Variants in RHBDL3 observed in about 807,000 individuals in gnomAD.
The protein encoded by RHBDL3 is rhomboid-related protein 3.
In RHBDL3, 28 loss-of-function variants were observed where a neutral mutation model predicts 48.2. The ratio of observed to expected loss-of-function variants is 0.58; its 90% CI spans 0.43 to 0.80. RHBDL3 has a LOEUF of 0.80. Ranked by LOEUF, RHBDL3 falls within the 30% of genes least tolerant of loss-of-function variation. The pLI, the probability that RHBDL3 is intolerant of heterozygous loss-of-function variation, is 0.00. For synonymous variants in RHBDL3, 208 were observed against 232.3 expected (o/e 0.90, Z 0.95); for missense variants, 464 against 542.7 (o/e 0.85, Z 1.44).
chr17:32,312,837 TCTCA>T (rs1034929805), intron 7 of RHBDL3, among the ~76,000 whole-genome samples: 1 of 151,618 alleles, frequency 6.6e-6, no homozygotes, highest in Non-Finnish European at 1.5e-5. Context: ...TGAGAAAGGG[TCTCA>T]CTCTGTTGTC....
chr17:32,308,307 G>C (rs1027814912), intron 7 of RHBDL3, among the ~76,000 whole-genome samples: 1 of 152,164 alleles, frequency 6.6e-6, no homozygotes, highest in African/African-American at 2.4e-5. Flanking sequence ...TGTGGGTTGG[G>C]CGCGCTGGCT....
chr17:32,297,358 A>C (rs1478765632), intron 5 of RHBDL3, among the ~76,000 whole-genome samples: 1 of 152,156 alleles, frequency 6.6e-6, no homozygotes, highest in East Asian at 1.9e-4. Flanking sequence ...ACTACTTGGG[A>C]GGCTGAGACA....
chr17:32,305,661 C>G (rs2040693722), intron 7 of RHBDL3, among the ~76,000 whole-genome samples: 1 of 152,142 alleles, frequency 6.6e-6, no homozygotes, highest in Admixed American at 6.5e-5. Context: ...AGGACCATGC[C>G]CATCTGCCCC....
rs141988744 is a variant in RHBDL3, at chr17:32,322,423, T to C, written c.*1194T>C. The C allele has an allele frequency of 0.01, 1,576 of 152,418 alleles. 27 individuals are homozygous for C. Among genetic ancestry groups the C allele is most frequent in the South Asian group, 0.071 (343 of 4,818 alleles). 9.4% of individuals were successfully genotyped at this position (152,418 alleles called of 1,614,324 possible). ...TCCCTGGATGCTGAGGTTTGCCAGG[T>C]TCAGCTCTTGTTTCCGTCTGAGATG... On this transcript the variant is annotated 3_prime_UTR_variant, in exon 9 of 9. Coordinates refer to ENST00000269051, the MANE Select transcript of RHBDL3 (RefSeq NM_138328.3).
chr17:32,282,621 A>G (rs1419964313), intron 2 of RHBDL3, among the ~76,000 whole-genome samples: 2 of 151,972 alleles, frequency 1.3e-5, no homozygotes, highest in Non-Finnish European at 2.9e-5. Flanking sequence ...AATTCTGTGG[A>G]GATTTTTTTT....
intron 6 of RHBDL3, 120 bp from the exon 7 acceptor site, chr17:32,305,221 A>C: frequency 2.6e-5 from 18 of 701,550 alleles, no homozygotes; most frequent in Non-Finnish European, 3.7e-5. Context: ...CAAAGGAGGA[A>C]GAGGTGGAGC....
At chr17:32,304,369 A>G (rs1339109237) in intron 6 of RHBDL3, among the ~76,000 whole-genome samples, 1 of 152,148 alleles carries the variant, frequency 6.6e-6, no homozygotes, top group Non-Finnish European at 1.5e-5. Flanking sequence ...AAGAAGGTGG[A>G]GGTTAACCTC....
At chr17:32,286,604 T>C (rs997592801) in intron 3 of RHBDL3, among the ~76,000 whole-genome samples, 1 of 152,242 alleles carries the variant, frequency 6.6e-6, no homozygotes, top group African/African-American at 2.4e-5. Context: ...ATTTTTGATG[T>C]CTCTTAATGT....
intron 3 of RHBDL3, among the ~76,000 whole-genome samples, chr17:32,287,069 G>A (rs971055562): frequency 4.6e-5 from 7 of 152,126 alleles, no homozygotes; most frequent in South Asian, 2.1e-4. Flanking sequence ...GGAATAATAC[G>A]GGGTGCCAAA....
intron 1 of RHBDL3, 116 bp from the exon 2 acceptor site, chr17:32,267,786 G>C: frequency 6.3e-7 from 1 of 1,576,480 alleles, no homozygotes; most frequent in Non-Finnish European, 8.6e-7. Flanking sequence ...ATGACTCCTG[G>C]GCAGCCGCTG....
chr17:32,265,981 C>T lies in RHBDL3; in HGVS notation c.-209C>T, dbSNP rs1223973251. Among the ~76,000 whole-genome samples, 2 of 145,970 alleles carry T rather than the reference C, an allele frequency of 1.4e-5. No homozygotes were observed. Among genetic ancestry groups the T allele is most frequent in the East Asian group, 3.9e-4 (2 of 5,070 alleles). On this transcript the variant is annotated 5_prime_UTR_variant, in exon 1 of 9. Coordinates refer to ENST00000269051, the MANE Select transcript of RHBDL3 (RefSeq NM_138328.3). ...CAGCTAGCGCAGTGAAGTTTGGCGG[C>T]GGAGGGGCCGGGCGTCCCGGGGTCG...
chr17:32,301,339 G>T lies in RHBDL3; in HGVS notation c.781+3135G>T, dbSNP rs185234298. On this transcript the variant is annotated intron_variant, in intron 6 of 8. Transcript: ENST00000269051. ...TCCCAGCACTTTGGGAGGCTGAGGT[G>T]AGGGGATTGCTTGTGGCCAGAAGTC... Among the ~76,000 whole-genome samples the T allele has an allele frequency of 5.1e-4, 78 of 151,706 alleles. 1 individual carries two copies. The highest frequency in any genetic ancestry group is 1.9e-3 in the African/African-American group (77 of 41,342).
chr17:32,283,574 T>A (rs189808994), intron 2 of RHBDL3, among the ~76,000 whole-genome samples: 3 of 152,022 alleles, frequency 2.0e-5, no homozygotes, highest in African/African-American at 4.8e-5. Context: ...CCGCCCGCCT[T>A]GGCCTCCCAA....
intron 1 of RHBDL3, among the ~76,000 whole-genome samples, chr17:32,267,478 G>A (rs755453517): frequency 1.3e-4 from 19 of 151,136 alleles, no homozygotes; most frequent in Non-Finnish European, 2.6e-4. Flanking sequence ...GACTCATTGC[G>A]CCGGGGTCTG....
intron 8 of RHBDL3, among the ~76,000 whole-genome samples, chr17:32,318,613 A>G (rs2041032642): frequency 6.6e-6 from 1 of 151,884 alleles, no homozygotes; most frequent in Non-Finnish European, 1.5e-5. Flanking sequence ...TTCCTAGCCC[A>G]AGGTCACCCA....
intron 2 of RHBDL3, among the ~76,000 whole-genome samples, chr17:32,279,809 C>T (rs1340133139): frequency 6.6e-6 from 1 of 152,138 alleles, no homozygotes; most frequent in Non-Finnish European, 1.5e-5. Flanking sequence ...CAAGATGGCA[C>T]AACAGCTGCG....
intron 3 of RHBDL3, among the ~76,000 whole-genome samples, chr17:32,285,326 G>C (rs1010384928): frequency 7.2e-5 from 11 of 152,350 alleles, no homozygotes; most frequent in African/African-American, 1.9e-4. Flanking sequence ...GTAGCTGAGA[G>C]TGGGGTCAGT....
chr17:32,291,961 G>C (rs1016671890), intron 4 of RHBDL3, among the ~76,000 whole-genome samples: 2 of 151,718 alleles, frequency 1.3e-5, no homozygotes, highest in African/African-American at 4.8e-5. Flanking sequence ...TAGTAGAGAC[G>C]GGGTTTCACC....
At chr17:32,269,053 G>T (rs2039704243) in intron 2 of RHBDL3, among the ~76,000 whole-genome samples, 1 of 152,150 alleles carries the variant, frequency 6.6e-6, no homozygotes, top group Non-Finnish European at 1.5e-5. Context: ...AGGAGGGAAA[G>T]AAGTTGGAGT....
Sources: gnomAD v4.1 joint callset for allele counts (sites outside exome capture counted in the v4.1 genomes callset) on GRCh38, gnomAD v4.1.1 for gene constraint, MANE v1.5 for transcripts, NCBI Gene and HGNC (gene_info 2026-07-23, HGNC 2026-07-21) for gene names.